The following NAALADL2 variants were observed in gnomAD, a reference collection of about 807,000 sequenced individuals.
NAALADL2 encodes the protein inactive N-acetylated-alpha-linked acidic dipeptidase-like protein 2.
In NAALADL2, 76 loss-of-function variants were observed where a neutral mutation model predicts 87.2. The ratio of observed to expected loss-of-function variants is 0.87; its 90% CI spans 0.72 to 1.05. The LOEUF is 1.05. Ranked by LOEUF, NAALADL2 falls within the 50% of genes least tolerant of loss-of-function variation. The probability of loss-of-function intolerance (pLI) is 0.00; values close to 1 mark genes in which losing one functional copy is unlikely to be tolerated. For synonymous variants in NAALADL2, 354 were observed against 331.0 expected (o/e 1.07, Z -0.75); for missense variants, 1,089 against 945.8 (o/e 1.15, Z -1.99).
At chr3:174,451,854 T>G (rs1481085167) in intron 1 of NAALADL2, among the ~76,000 whole-genome samples, 1 of 141,316 alleles carries the variant, frequency 7.1e-6, no homozygotes. Context: ...TTTTTTTTTT[T>G]TTTTTTTTTT....
At chr3:174,726,446 C>T (rs985664388) in intron 2 of NAALADL2, among the ~76,000 whole-genome samples, 24 of 152,064 alleles carry the variant, frequency 1.6e-4, no homozygotes, top group African/African-American at 5.8e-4. Flanking sequence ...ACCATGGATT[C>T]TTTGTACTAA....
At chr3:175,686,475 T>G (rs1407947183) in intron 11 of NAALADL2, among the ~76,000 whole-genome samples, 2 of 152,146 alleles carry the variant, frequency 1.3e-5, no homozygotes, top group African/African-American at 4.8e-5. Context: ...TTTTAATTAA[T>G]GTATGTTTTA....
At chr3:174,959,140 T>C (rs1741598030) in intron 1 of NAALADL2, among the ~76,000 whole-genome samples, 1 of 151,978 alleles carries the variant, frequency 6.6e-6, no homozygotes, top group South Asian at 2.1e-4. Flanking sequence ...CTTAGAGACA[T>C]TAGAATGCTG....
intron 13 of NAALADL2, among the ~76,000 whole-genome samples, chr3:175,764,536 A>AC (rs1559986083): frequency 1.1e-4 from 10 of 94,600 alleles, no homozygotes; most frequent in Admixed American, 3.2e-4. Flanking sequence ...AATCCAAGCC[A>AC]AGACCATTTT....
intron 2 of NAALADL2, among the ~76,000 whole-genome samples, chr3:174,607,162 G>A (rs889155161): frequency 1.3e-5 from 2 of 152,002 alleles, no homozygotes; most frequent in African/African-American, 2.4e-5. Context: ...AGCTCCTGAA[G>A]TAAGTACTAA....
intron 11 of NAALADL2, among the ~76,000 whole-genome samples, chr3:175,644,597 CTA>C (rs757783406): frequency 8.5e-5 from 13 of 152,214 alleles, no homozygotes; most frequent in Non-Finnish European, 1.6e-4. Flanking sequence ...ATTCCTCAGT[CTA>C]TTTTCTCATC....
At position 175,327,998 on chromosome 3, in the gene NAALADL2, A is replaced by G. The variant is rs372947385; in HGVS notation, c.1090+3673A>G. Reference sequence around the variant, plus strand: ...TTAGGAATCTTTGCGGAATTATTACACACCTGCAGTTTTGTGAGAAAAGCA... The same window carrying G: ...TTAGGAATCTTTGCGGAATTATTACGCACCTGCAGTTTTGTGAGAAAAGCA... On this transcript the variant is annotated intron_variant, in intron 5 of 13. Coordinates refer to ENST00000454872, the MANE Select transcript of NAALADL2 (RefSeq NM_207015.3). 1.6e-4 allele frequency among the ~76,000 whole-genome samples: 24 copies of G among 152,336 alleles called. No individual in the cohort carries two copies. In the East Asian group the frequency reaches 3.7e-3, roughly 23 times the overall value.
chr3:174,792,036 C>CTA (rs545505775), intron 3 of NAALADL2, among the ~76,000 whole-genome samples: 182 of 152,112 alleles, frequency 1.2e-3, no homozygotes, highest in Non-Finnish European at 2.3e-3. Flanking sequence ...TGGTGAAACT[C>CTA]TATCTCTACT....
chr3:175,381,267 A>C (rs1039214155), intron 5 of NAALADL2, among the ~76,000 whole-genome samples: 2 of 151,584 alleles, frequency 1.3e-5, no homozygotes, highest in Non-Finnish European at 3.0e-5. Context: ...TTTTCTATGC[A>C]AAATAATTAT....
Position 174,859,427 on chromosome 3 carries a change from G to A in NAALADL2, c.20G>A (p.Ser7Asn), listed in dbSNP as rs777694637. The A allele has an allele frequency of 2.2e-5, 35 of 1,610,746 alleles. No individual in the cohort carries two copies. The highest frequency in any genetic ancestry group is 2.2e-5 in the Non-Finnish European group (26 of 1,178,286). MGENEASLPNTSLQGKK... is the reference protein window; with the variant it reads MGENEANLPNTSLQGKK... ...AATAAAATGGGAGAGAATGAAGCAAGTTTACCTAACACGTCTTTGCAAGGT... is the reference window on the plus strand; with the variant it reads ...AATAAAATGGGAGAGAATGAAGCAAATTTACCTAACACGTCTTTGCAAGGT... The change falls in exon 1 of 14, where the codon AGT (serine) becomes AAT (asparagine). Residue 7 changes from serine to asparagine, a missense_variant. Transcript: ENST00000454872.
At chr3:175,657,355 A>G (rs2149802639) in intron 11 of NAALADL2, among the ~76,000 whole-genome samples, 1 of 152,306 alleles carries the variant, frequency 6.6e-6, no homozygotes, top group Non-Finnish European at 1.5e-5. Flanking sequence ...CAAATACAAG[A>G]TAAGTATCAG....
At chr3:174,987,812 T>TATATATATATAATTTTATATATATATATA (rs1553911297) in intron 1 of NAALADL2, among the ~76,000 whole-genome samples, 1 of 120,080 alleles carries the variant, frequency 8.3e-6, no homozygotes, top group African/African-American at 4.6e-5. Flanking sequence ...ATATATATAA[T>TATATATATATAATTTTATATATATATATA]TATATATATA....
intron 2 of NAALADL2, among the ~76,000 whole-genome samples, chr3:174,642,820 C>G (rs1723386188): frequency 6.7e-6 from 1 of 149,038 alleles, no homozygotes; most frequent in East Asian, 2.0e-4. Context: ...ATCTCACTCT[C>G]TCGCCCAGGC....
At chr3:175,214,207 T>C (rs993077904) in intron 2 of NAALADL2, among the ~76,000 whole-genome samples, 2 of 152,086 alleles carry the variant, frequency 1.3e-5, no homozygotes, top group African/African-American at 4.8e-5. Context: ...TTTTACCTAA[T>C]AAATCAATGG....
chr3:174,545,905 T>C (rs914751620), intron 1 of NAALADL2, among the ~76,000 whole-genome samples: 2 of 150,966 alleles, frequency 1.3e-5, no homozygotes, highest in Non-Finnish European at 3.0e-5. Context: ...TCTGTTTTTG[T>C]TTTATTAATT....
Position 175,116,486 on chromosome 3 carries a change from G to A in NAALADL2, c.545+19195G>A, listed in dbSNP as rs543890435. Among the ~76,000 whole-genome samples the A allele has an allele frequency of 3.9e-5, 6 of 151,980 alleles. No homozygotes were observed. In the East Asian group the frequency reaches 1.2e-3, roughly 29 times the overall value. ...CATGAGTGAACTCCCATTCACAATT[G>A]CTTCAAAGAGAATAAAATACCTAGG... On this transcript the variant is annotated intron_variant, in intron 2 of 13. Transcript: ENST00000454872.
At chr3:175,460,013 G>A (rs1722876204) in intron 6 of NAALADL2, 1 of 326,346 alleles carries the variant, frequency 3.1e-6, no homozygotes. Flanking sequence ...TGTTTCACAT[G>A]TTTATGTTGT....
intron 2 of NAALADL2, among the ~76,000 whole-genome samples, chr3:175,210,247 A>G (rs1293454606): frequency 6.6e-6 from 1 of 151,858 alleles, no homozygotes; most frequent in African/African-American, 2.4e-5. Flanking sequence ...GAAAGGATAT[A>G]TATAAAATGT....
upstream of NAALADL2, among the ~76,000 whole-genome samples, chr3:174,855,775 T>TACACACACAC (rs10576439): frequency 1.9e-4 from 26 of 135,652 alleles, no homozygotes; most frequent in African/African-American, 5.7e-4. Context: ...AGGAGAGAAA[T>TACACACACAC]ACACACACAC....
Sources: allele counts gnomAD v4.1 joint callset (sites outside exome capture counted in the v4.1 genomes callset), GRCh38; gene constraint gnomAD v4.1.1; transcripts MANE v1.5; gene names NCBI Gene and HGNC (gene_info 2026-07-23, HGNC 2026-07-21).